Variants in COL25A1 observed in about 807,000 individuals in gnomAD.
The protein encoded by COL25A1 is collagen alpha-1(XXV) chain.
COL25A1 carries 103 observed loss-of-function variants against 128.4 expected under a neutral mutation model. The observed-to-expected ratio is 0.80, with a 90% CI of 0.68 to 0.94. COL25A1 has a LOEUF of 0.94. Ranked by LOEUF, COL25A1 falls within the 40% of genes least tolerant of loss-of-function variation. The pLI is 0.00. For missense variants in COL25A1, 745 were observed against 840.0 expected, an observed-to-expected ratio of 0.89 and a Z score of 1.40; for synonymous variants, 279 against 277.2, an observed-to-expected ratio of 1.01 and a Z score of -0.06.
At chr4:108,996,436 T>C (rs766027000) in intron 6 of COL25A1, among the ~76,000 whole-genome samples, 3 of 151,934 alleles carry the variant, frequency 2.0e-5, no homozygotes, top group Non-Finnish European at 4.4e-5. Context: ...CCTAAACATA[T>C]ATGCACCCAA....
chr4:109,050,325 T>C (rs1404602346), intron 3 of COL25A1, 146 bp from the exon 4 acceptor site: 2 of 582,228 alleles, frequency 3.4e-6, no homozygotes, highest in Admixed American at 3.3e-5. Context: ...AGGTCAGTAT[T>C]GTCTTTAGTG....
rs111415014 is a variant in COL25A1, at chr4:109,030,863, C to T, written c.420+17305G>A. ...CATCTCCTTGGCTCAAGCGATCCTC[C>T]CACCTCAGCCTCCCGAGTAGCTGGG... On this transcript the variant is annotated intron_variant, in intron 5 of 37. Transcript: ENST00000399132. 3.4e-3 allele frequency among the ~76,000 whole-genome samples: 522 copies of T among 152,038 alleles called. 4 individuals are homozygous for T. Among genetic ancestry groups the T allele is most frequent in the Non-Finnish European group, 4.7e-3 (318 of 67,988 alleles).
chr4:109,182,399 G>A (rs999896641), intron 3 of COL25A1, among the ~76,000 whole-genome samples: 2 of 152,096 alleles, frequency 1.3e-5, no homozygotes, highest in Non-Finnish European at 2.9e-5. Flanking sequence ...CATGTCAAGA[G>A]AGTCTATTCA....
chr4:108,868,951 AAG>A (rs1196374684), intron 20 of COL25A1, 135 bp downstream of exon 20: 3 of 579,048 alleles, frequency 5.2e-6, no homozygotes, highest in Non-Finnish European at 9.1e-6. Context: ...AAAGAAAAGA[AAG>A]AAAGAAAAAG....
intron 6 of COL25A1, among the ~76,000 whole-genome samples, chr4:108,975,304 A>G (rs1012491326): frequency 6.6e-6 from 1 of 152,148 alleles, no homozygotes; most frequent in Non-Finnish European, 1.5e-5. Context: ...AAAAATACAA[A>G]AATTAGCTGG....
At chr4:109,022,957 CA>C (rs1757905880) in intron 5 of COL25A1, among the ~76,000 whole-genome samples, 1 of 152,058 alleles carries the variant, frequency 6.6e-6, no homozygotes, top group African/African-American at 2.4e-5. Flanking sequence ...TCAGAGAACC[CA>C]AGAGCATTCA....
At chr4:109,093,235 C>T (rs1560678608) in intron 3 of COL25A1, among the ~76,000 whole-genome samples, 1 of 152,074 alleles carries the variant, frequency 6.6e-6, no homozygotes. Context: ...TCTTTGCCCC[C>T]CTATTTAGTC....
chr4:109,051,612 CACAT>C (rs202178100), intron 3 of COL25A1, among the ~76,000 whole-genome samples: 1,997 of 67,744 alleles, frequency 0.029, 46 homozygotes, highest in East Asian at 0.19. Context: ...TGTTCAAACA[CACAT>C]ACATACACAC....
Position 109,301,924 on chromosome 4 carries a change from G to T in COL25A1, c.96C>A (p.Pro32=). Residue 32 remains proline, a synonymous_variant, in exon 2 of 38, where the codon CCC becomes CCA. Coordinates refer to ENST00000399132, the MANE Select transcript of COL25A1 (RefSeq NM_198721.4). ...GGAGGGCCGCCAGGACGGCACACGG[G>T]GGCATGGTCCGGGCACAATGCTGTT... ...PAEQHCARTM[P]PCAVLAALLS... 1.2e-6 allele frequency: 2 copies of T among 1,614,034 alleles called. No individual in the cohort carries two copies. Among genetic ancestry groups the T allele is most frequent in the Non-Finnish European group, 1.7e-6 (2 of 1,180,046 alleles).
chr4:108,913,283 T>TTTTTTTTTTTTTC (rs1744470434), intron 13 of COL25A1, among the ~76,000 whole-genome samples: 1 of 146,542 alleles, frequency 6.8e-6, no homozygotes, highest in Non-Finnish European at 1.5e-5. Flanking sequence ...TTTTTTTTTT[T>TTTTTTTTTTTTTC]AAGACGGAGT....
intron 11 of COL25A1, among the ~76,000 whole-genome samples, chr4:108,924,498 G>A (rs1449231631): frequency 1.3e-5 from 2 of 152,072 alleles, no homozygotes; most frequent in South Asian, 2.1e-4. Context: ...CATGTTACTC[G>A]GGCCTCAGAG....
intron 3 of COL25A1, among the ~76,000 whole-genome samples, chr4:109,112,318 C>T (rs1413877006): frequency 6.6e-6 from 1 of 151,990 alleles, no homozygotes; most frequent in Non-Finnish European, 1.5e-5. Flanking sequence ...GAATGAAAGA[C>T]AGTAAAGACA....
At chr4:109,240,623 T>G (rs1197845572) in intron 3 of COL25A1, among the ~76,000 whole-genome samples, 2 of 152,060 alleles carry the variant, frequency 1.3e-5, no homozygotes, top group Non-Finnish European at 2.9e-5. Context: ...TTTACATCTT[T>G]CTTGCAGTAT....
intron 3 of COL25A1, among the ~76,000 whole-genome samples, chr4:109,158,645 G>T (rs901442194): frequency 6.6e-6 from 1 of 152,198 alleles, no homozygotes; most frequent in Non-Finnish European, 1.5e-5. Flanking sequence ...ACAATTACTG[G>T]AATTAAACGT....
In COL25A1 at chr4:109,089,935, CT is replaced by C. The variant is rs1402048146; in HGVS notation, c.368-39757del. Among the ~76,000 whole-genome samples, 1,231 of 145,556 alleles carry C rather than the reference CT, an allele frequency of 8.5e-3. 14 individuals carry two copies. Among genetic ancestry groups the C allele is most frequent in the African/African-American group, 0.021 (845 of 39,756 alleles). On this transcript the variant is annotated intron_variant, in intron 3 of 37. Transcript: ENST00000399132. ...TTAGAAGTATAATTGCTACATAGGA[CT>C]TTTTTTTTTTCAAAAATTCAATTAA...
At chr4:109,070,072 A>T (rs367835481) in intron 3 of COL25A1, among the ~76,000 whole-genome samples, 59 of 151,734 alleles carry the variant, frequency 3.9e-4, no homozygotes, top group Admixed American at 1.2e-3. Flanking sequence ...CTGGCCAACA[A>T]GGTGAAACCC....
At chr4:108,836,475 T>C (rs1404751164) in intron 31 of COL25A1, among the ~76,000 whole-genome samples, 2 of 152,076 alleles carry the variant, frequency 1.3e-5, no homozygotes, top group Non-Finnish European at 2.9e-5. Flanking sequence ...GGCGGGAAGA[T>C]TGTTTGAGGC....
intron 3 of COL25A1, among the ~76,000 whole-genome samples, chr4:109,128,242 A>G (rs1289462562): frequency 6.6e-6 from 1 of 152,208 alleles, no homozygotes; most frequent in Non-Finnish European, 1.5e-5. Context: ...CTGCTGGCAC[A>G]TAGACCTTAG....
At chr4:109,116,227 A>C (rs1767543716) in intron 3 of COL25A1, among the ~76,000 whole-genome samples, 1 of 152,062 alleles carries the variant, frequency 6.6e-6, no homozygotes, top group Admixed American at 6.6e-5. Flanking sequence ...TGAATACTGG[A>C]GAAAAAGACA....
Sources: gnomAD v4.1 joint callset for allele counts (sites outside exome capture counted in the v4.1 genomes callset) on GRCh38, gnomAD v4.1.1 for gene constraint, MANE v1.5 for transcripts, NCBI Gene and HGNC (gene_info 2026-07-23, HGNC 2026-07-21) for gene names.